The following KDM1B variants were observed in gnomAD, a reference collection of about 807,000 sequenced individuals.
The protein encoded by KDM1B is lysine-specific histone demethylase 2.
A neutral mutation model predicts 107.4 loss-of-function variants in KDM1B; 63 were observed. The observed-to-expected ratio is 0.59, with a 90% CI of 0.48 to 0.72. The LOEUF is 0.72. Ranked by LOEUF, KDM1B falls within the 30% of genes least tolerant of loss-of-function variation. KDM1B has a pLI of 0.00. For synonymous variants in KDM1B, 363 were observed against 363.9 expected (o/e 1.00, Z 0.03); for missense variants, 749 against 1,020.8 (o/e 0.73, Z 3.63).
chr6:18,204,397 C>A lies in KDM1B; in HGVS notation c.1532-1140C>A, dbSNP rs552624162. 6.1e-4 allele frequency among the ~76,000 whole-genome samples: 93 copies of A among 152,144 alleles called. No homozygotes were observed. The highest frequency in any genetic ancestry group is 2.2e-3 in the African/African-American group (92 of 41,498). On this transcript the variant is annotated intron_variant, in intron 14 of 21. Transcript: ENST00000650836. The surrounding 1 kb of genome is among the most constrained non-coding windows in gnomAD (Gnocchi z 4.9). ...TACTTGGGAGGCCGATTGCTGGAGC[C>A]CCGGAAGTTGAGGCTGCAGTGAGTC... is the stretch of plus-strand genomic sequence containing the variant.
At chr6:18,188,784 T>TTA (rs961076436) in intron 9 of KDM1B, among the ~76,000 whole-genome samples, 5 of 150,882 alleles carry the variant, frequency 3.3e-5, no homozygotes, top group Non-Finnish European at 7.4e-5. Flanking sequence ...TGGTTAATTT[T>TTA]TTTTTTTTTT....
rs866244299 is a variant in KDM1B, at chr6:18,210,368, T to G, written c.1867-2120T>G. ...TTTTTTTTTTTTTTTTTTTTTTTTT[T>G]TTTTGTTTTACAGGGTCTTATTCTG... On this transcript the variant is annotated intron_variant, in intron 17 of 21. Transcript: ENST00000650836. Among the ~76,000 whole-genome samples the G allele has an allele frequency of 1.9e-3, 183 of 95,344 alleles. 1 individual carries two copies. The highest frequency in any genetic ancestry group is 6.7e-3 in the African/African-American group (165 of 24,748). 62.5% of individuals were successfully genotyped at this position (95,344 alleles called of 152,430 possible).
intron 7 of KDM1B, among the ~76,000 whole-genome samples, chr6:18,174,243 T>C (rs916561687): frequency 8.6e-6 from 1 of 116,084 alleles, no homozygotes; most frequent in Non-Finnish European, 2.0e-5. Context: ...TTCTTCTAAC[T>C]TTTTTTTTGT....
intron 21 of KDM1B, among the ~76,000 whole-genome samples, chr6:18,219,530 C>T (rs1464786051): frequency 6.6e-6 from 1 of 152,124 alleles, no homozygotes; most frequent in Non-Finnish European, 1.5e-5. Context: ...TTCTTGTTTG[C>T]AGAATGTTCC....
rs144470878 is a variant in KDM1B at position 18,214,997 on chromosome 6, A to G, written c.2110-10A>G. 766 of 1,613,364 alleles carry G rather than the reference A, an allele frequency of 4.7e-4. 5 individuals are homozygous for G. The African/African-American group carries it at 6.7e-3, about 14-fold the overall frequency. On this transcript the variant is annotated splice_polypyrimidine_tract_variant and intron_variant, in intron 19 of 21. Coordinates refer to ENST00000650836, the MANE Select transcript of KDM1B (RefSeq NM_001364614.2). The surrounding 1 kb of genome is among the most constrained non-coding windows in gnomAD (Gnocchi z 4.4). ...TCACAGACCTCCTGCTTTTCCTTTC[A>G]TGTCTCCAGAAGAAGCACAGCGTGC...
intron 7 of KDM1B, among the ~76,000 whole-genome samples, chr6:18,174,523 T>C (rs1252054483): frequency 6.6e-6 from 1 of 152,130 alleles, no homozygotes; most frequent in Non-Finnish European, 1.5e-5. Context: ...TTATATAAGT[T>C]CTTTAGCGGT....
In KDM1B at chr6:18,187,920, C is replaced by T. The variant is rs751914802; in HGVS notation, c.702C>T (p.Cys234=). Residue 234 remains cysteine (C), a synonymous_variant, in exon 9 of 22, where the codon TGC becomes TGT. Transcript: ENST00000650836. Reference sequence around the variant, plus strand: ...ACTGTGTTGGCATGAGCCCCTCCTGCACCAGCACAAACCGCGCCGCTGCCA... The same window carrying T: ...ACTGTGTTGGCATGAGCCCCTCCTGTACCAGCACAAACCGCGCCGCTGCCA... ...YPDCVGMSPS[C]TSTNRAAATG... 3 of 1,550,466 alleles carry T rather than the reference C, an allele frequency of 1.9e-6. No homozygotes were observed. The highest frequency in any genetic ancestry group is 2.6e-6 in the Non-Finnish European group (3 of 1,146,982).
chr6:18,208,214 C>T lies in KDM1B; in HGVS notation c.1866+8C>T. 1 of 1,607,380 alleles carries T rather than the reference C, an allele frequency of 6.2e-7. No individual in the cohort carries two copies. Among genetic ancestry groups the T allele is most frequent in the Non-Finnish European group, 8.5e-7 (1 of 1,174,954 alleles). ...GGGTATTCTGCACAAAAGGTAAGAG[C>T]TAGGGCAGTACAAGGGTGGGTAGAA... On this transcript the variant is annotated splice_region_variant and intron_variant, in intron 17 of 21. Transcript: ENST00000650836.
In KDM1B at chr6:18,215,134, G is replaced by C. The variant is rs756481098; in HGVS notation, c.2232+5G>C. 2.5e-6 allele frequency: 4 copies of C among 1,610,256 alleles called. No homozygotes were observed. In the East Asian group the frequency reaches 6.7e-5, roughly 27 times the overall value. ...CGGGAGCTGTTCAAGGAGCAGGTGAGAGAGAGGAAGCCCTCCTTGAAAGGG... is the reference window on the plus strand; with the variant it reads ...CGGGAGCTGTTCAAGGAGCAGGTGACAGAGAGGAAGCCCTCCTTGAAAGGG... On this transcript the variant is annotated splice_donor_5th_base_variant and intron_variant, in intron 20 of 21. Coordinates refer to ENST00000650836, the MANE Select transcript of KDM1B (RefSeq NM_001364614.2).
At chr6:18,161,190 T>A (rs1172790950) in intron 3 of KDM1B, 137 bp from the exon 4 acceptor site, 2 of 681,120 alleles carry the variant, frequency 2.9e-6, no homozygotes, top group Non-Finnish European at 5.0e-6. Context: ...AATTGCTGTA[T>A]TGTCATCCCT....
intron 20 of KDM1B, among the ~76,000 whole-genome samples, chr6:18,217,013 G>A (rs1173198903): frequency 6.6e-6 from 1 of 152,128 alleles, no homozygotes; most frequent in Non-Finnish European, 1.5e-5. Context: ...GTTTTGTGGA[G>A]AACCCTGTTG....
chr6:18,208,738 G>A (rs143626474), intron 17 of KDM1B, among the ~76,000 whole-genome samples: 6,787 of 136,650 alleles, frequency 0.05, 234 homozygotes, highest in Non-Finnish European at 0.069. Context: ...TCCGCCTCCC[G>A]GGTTCACGCC....
intron 7 of KDM1B, among the ~76,000 whole-genome samples, chr6:18,183,167 G>A (rs1786594408): frequency 6.6e-6 from 1 of 151,610 alleles, no homozygotes; most frequent in Admixed American, 6.6e-5. Flanking sequence ...CACTCCCAGT[G>A]GCTTTGTCCC....
In KDM1B at chr6:18,215,220, T is replaced by C. The variant is rs1789132785; in HGVS notation, c.2232+91T>C. ...CCCAAGCAGCCAGCGTCACTGAGAA[T>C]CACAGGAAGGAAGGCAGAGGCCACA... is the stretch of plus-strand genomic sequence containing the variant. On this transcript the variant is annotated intron_variant, in intron 20 of 21. Transcript: ENST00000650836. 2.1e-6 allele frequency: 3 copies of C among 1,434,594 alleles called. No individual in the cohort carries two copies. The South Asian group carries it at 4.0e-5, about 19-fold the overall frequency. 88.9% of individuals were successfully genotyped at this position (1,434,594 alleles called of 1,614,324 possible).
intron 20 of KDM1B, among the ~76,000 whole-genome samples, chr6:18,215,387 T>C (rs1319085146): frequency 6.6e-6 from 1 of 152,224 alleles, no homozygotes; most frequent in Non-Finnish European, 1.5e-5. Flanking sequence ...AAGCCTGAGA[T>C]CGAGGTGTCG....
At chr6:18,190,000 A>C (rs1209766994) in intron 9 of KDM1B, among the ~76,000 whole-genome samples, 2 of 151,842 alleles carry the variant, frequency 1.3e-5, no homozygotes, top group Non-Finnish European at 2.9e-5. Flanking sequence ...ATACACAAAA[A>C]ATTAGCCAGG....
At chr6:18,177,180 T>C (rs58600716) in intron 7 of KDM1B, among the ~76,000 whole-genome samples, 19,399 of 152,184 alleles carry the variant, frequency 0.13, 1,317 homozygotes, top group South Asian at 0.19. Context: ...TAATCCTTCC[T>C]GATTTAAGCT....
intron 10 of KDM1B, among the ~76,000 whole-genome samples, chr6:18,195,886 T>C (rs1206684791): frequency 2.0e-5 from 3 of 152,214 alleles, no homozygotes; most frequent in African/African-American, 4.8e-5. Context: ...TACATTGTTA[T>C]TAACTATATG....
At chr6:18,187,150 C>G (rs1050506476) in intron 8 of KDM1B, among the ~76,000 whole-genome samples, 5 of 152,098 alleles carry the variant, frequency 3.3e-5, no homozygotes, top group African/African-American at 1.2e-4. Context: ...TTTCAGTAGT[C>G]ATCATGAGAA....
Sources: gnomAD v4.1 joint callset for allele counts (sites outside exome capture counted in the v4.1 genomes callset) on GRCh38, gnomAD v4.1.1 for gene constraint, Gnocchi (gnomAD v3.1) non-coding constraint, MANE v1.5 for transcripts, NCBI Gene and HGNC (gene_info 2026-07-23, HGNC 2026-07-21) for gene names.